Variants in RBMS3 observed in about 807,000 individuals in gnomAD.
RBMS3 encodes RNA-binding motif, single-stranded-interacting protein 3.
Under a neutral mutation model 66.8 loss-of-function variants are expected in RBMS3, and 27 were observed. The ratio of observed to expected loss-of-function variants is 0.40; its 90% CI spans 0.30 to 0.56. RBMS3 has a LOEUF of 0.56. RBMS3 is among the 20% of genes least tolerant of loss of function. RBMS3 has a pLI of 0.40. For missense variants in RBMS3, 513 were observed against 549.5 expected, an observed-to-expected ratio of 0.93 and a Z score of 0.66; for synonymous variants, 188 against 183.0, an observed-to-expected ratio of 1.03 and a Z score of -0.22.
chr3:29,406,394 G>T (rs1025625388), intron 1 of RBMS3, among the ~76,000 whole-genome samples: 1 of 152,100 alleles, frequency 6.6e-6, no homozygotes, highest in Non-Finnish European at 1.5e-5. Context: ...TATGACTGTA[G>T]CTTTTAGTCA....
chr3:29,999,523 A>AATG (rs770197996), intron 14 of RBMS3, among the ~76,000 whole-genome samples: 5 of 148,932 alleles, frequency 3.4e-5, no homozygotes, highest in East Asian at 2.0e-4. Flanking sequence ...TAAATGTCCA[A>AATG]ATAGTCTGGA....
At chr3:29,357,269 A>T (rs139806503) in intron 1 of RBMS3, among the ~76,000 whole-genome samples, 1 of 151,882 alleles carries the variant, frequency 6.6e-6, no homozygotes, top group Non-Finnish European at 1.5e-5. Flanking sequence ...TCATTGTTCA[A>T]TTCCCACCTA....
intron 3 of RBMS3, among the ~76,000 whole-genome samples, chr3:29,492,549 G>C (rs1040055575): frequency 5.3e-5 from 8 of 152,252 alleles, no homozygotes; most frequent in Admixed American, 3.9e-4. Flanking sequence ...AGAAATAATG[G>C]GATGGGAAAT....
At chr3:29,895,360 A>G (rs2060101858) in intron 8 of RBMS3, among the ~76,000 whole-genome samples, 1 of 151,494 alleles carries the variant, frequency 6.6e-6, no homozygotes, top group Non-Finnish European at 1.5e-5. Context: ...CAATCATGTA[A>G]CCACCACCAC....
chr3:29,735,374 G>A (rs1466039874), intron 4 of RBMS3, among the ~76,000 whole-genome samples: 1 of 152,088 alleles, frequency 6.6e-6, no homozygotes, highest in Non-Finnish European at 1.5e-5. Flanking sequence ...ACAATGGAGA[G>A]GATACTTTTC....
At chr3:29,610,816 C>G (rs920904764) in intron 4 of RBMS3, among the ~76,000 whole-genome samples, 2 of 152,048 alleles carry the variant, frequency 1.3e-5, no homozygotes, top group Middle Eastern at 3.2e-3. Context: ...GTAAGAGAGT[C>G]ATGCATTCTG....
chr3:29,881,246 C>CCTACATG (rs2059730369), intron 7 of RBMS3, among the ~76,000 whole-genome samples: 1 of 152,094 alleles, frequency 6.6e-6, no homozygotes, highest in African/African-American at 2.4e-5. Flanking sequence ...GCTGTACTTC[C>CCTACATG]CTACATGCCT....
chr3:29,962,063 ATAT>A lies in RBMS3; in HGVS notation c.1098+17816_1098+17818del, dbSNP rs542040098. Reference sequence around the variant, plus strand: ...TATATTATATATGTGTATATATAATATATTATTATATATTGTATATATAATAAG... The same window carrying A: ...TATATTATATATGTGTATATATAATATATTATATATTGTATATATAATAAG... On this transcript the variant is annotated intron_variant, in intron 12 of 14. Transcript: ENST00000383767. Among the ~76,000 whole-genome samples, 696 of 145,522 alleles carry A rather than the reference ATAT, an allele frequency of 4.8e-3. 4 individuals carry two copies. Among genetic ancestry groups the A allele is most frequent in the African/African-American group, 0.016 (660 of 40,056 alleles).
chr3:29,878,851 G>A (rs2059671102), intron 7 of RBMS3, among the ~76,000 whole-genome samples: 1 of 151,918 alleles, frequency 6.6e-6, no homozygotes, highest in Non-Finnish European at 1.5e-5. Context: ...AAAACAACTT[G>A]GGTAACACAG....
intron 12 of RBMS3, 92 bp downstream of exon 12, chr3:29,944,346 C>T (rs1695156223): frequency 1.8e-6 from 2 of 1,106,090 alleles, no homozygotes; most frequent in Admixed American, 1.8e-5. Context: ...CAGTGATTCT[C>T]AACAGAGGTG....
At position 30,009,371 on chromosome 3, in the gene RBMS3, T is replaced by A. The variant is rs1699894294; in HGVS notation, c.*5509T>A. The A allele has an allele frequency of 6.6e-6, 1 of 152,164 alleles. No homozygotes were observed. The highest frequency in any genetic ancestry group is 2.1e-4 in the South Asian group (1 of 4,830). 9.4% of individuals were successfully genotyped at this position (152,164 alleles called of 1,614,324 possible). On this transcript the variant is annotated 3_prime_UTR_variant, in exon 15 of 15. Coordinates refer to ENST00000383767, the MANE Select transcript of RBMS3 (RefSeq NM_001003793.3). ...TTTTATTTCTTATAAAGTATTAATT[T>A]CTTAAGGGGGTTTGAAATCATTGGT...
At chr3:30,002,498 A>G (rs1699656787) in intron 14 of RBMS3, among the ~76,000 whole-genome samples, 1 of 152,080 alleles carries the variant, frequency 6.6e-6, no homozygotes, top group African/African-American at 2.4e-5. Context: ...TTGCAAAGCT[A>G]GAGACAGTTA....
At chr3:29,908,938 G>A (rs2060450725) in intron 10 of RBMS3, among the ~76,000 whole-genome samples, 2 of 152,030 alleles carry the variant, frequency 1.3e-5, no homozygotes, top group South Asian at 2.1e-4. Flanking sequence ...AAATAAAGAA[G>A]CCTCTGTGAA....
chr3:29,690,421 C>G (rs2051950353), intron 4 of RBMS3, among the ~76,000 whole-genome samples: 1 of 152,090 alleles, frequency 6.6e-6, no homozygotes, highest in Non-Finnish European at 1.5e-5. Flanking sequence ...GAATGAGACC[C>G]TGTCTCAAAA....
chr3:29,531,172 A>AT (rs1194624474), intron 3 of RBMS3, among the ~76,000 whole-genome samples: 1 of 152,240 alleles, frequency 6.6e-6, no homozygotes, highest in Admixed American at 6.5e-5. Context: ...ATGGTGGTCA[A>AT]TTCCCTTGCT....
intron 6 of RBMS3, among the ~76,000 whole-genome samples, chr3:29,848,329 C>G (rs1387134329): frequency 6.6e-6 from 1 of 152,166 alleles, no homozygotes; most frequent in Non-Finnish European, 1.5e-5. Flanking sequence ...CATTTAGCGG[C>G]CACGTGCTCC....
chr3:29,964,473 C>T (rs1056229037), intron 12 of RBMS3, among the ~76,000 whole-genome samples: 4 of 152,074 alleles, frequency 2.6e-5, no homozygotes, highest in African/African-American at 7.2e-5. Context: ...TATCCAATAT[C>T]CCATTTCTAT....
At chr3:29,700,146 C>CT (rs1325450039) in intron 4 of RBMS3, among the ~76,000 whole-genome samples, 1 of 152,126 alleles carries the variant, frequency 6.6e-6, no homozygotes, top group Non-Finnish European at 1.5e-5. Context: ...TCTGGATATC[C>CT]TTTTTTCTGA....
chr3:29,983,777 T>A (rs558791471), intron 12 of RBMS3, among the ~76,000 whole-genome samples: 1 of 152,324 alleles, frequency 6.6e-6, no homozygotes, highest in South Asian at 2.1e-4. Context: ...TTCAGAGAGA[T>A]CCACTGTTAG....
Sources: allele counts gnomAD v4.1 joint callset (sites outside exome capture counted in the v4.1 genomes callset), GRCh38; gene constraint gnomAD v4.1.1; transcripts MANE v1.5; gene names NCBI Gene and HGNC (gene_info 2026-07-23, HGNC 2026-07-21).